Variants in ROR2 observed in about 807,000 individuals in gnomAD.
ROR2 encodes the protein tyrosine-protein kinase transmembrane receptor ROR2.
Under a neutral mutation model 74.9 loss-of-function variants are expected in ROR2, and 33 were observed. The ratio of observed to expected loss-of-function variants is 0.44; its 90% CI spans 0.33 to 0.59. The LOEUF is 0.59. ROR2 is among the 20% of genes least tolerant of loss of function. ROR2 has a pLI of 0.02. For synonymous variants in ROR2, 586 were observed against 558.7 expected (o/e 1.05, Z -0.69); for missense variants, 1,216 against 1,313.8 (o/e 0.93, Z 1.15).
chr9:91,829,732 C>A lies in ROR2; in HGVS notation c.98-53914G>T, dbSNP rs1442513584. On this transcript the variant is annotated intron_variant, in intron 1 of 8. Coordinates refer to ENST00000375708, the MANE Select transcript of ROR2 (RefSeq NM_004560.4). ...AACTGGACCAGCTGACGCCTTCCTA[C>A]GGATATAACCAAGATCCATACGAAT... 2.6e-5 allele frequency among the ~76,000 whole-genome samples: 4 copies of A among 152,006 alleles called. No homozygotes were observed. The East Asian group carries it at 7.7e-4, about 29-fold the overall frequency.
At chr9:91,862,422 C>A (rs972459927) in intron 1 of ROR2, among the ~76,000 whole-genome samples, 3 of 151,988 alleles carry the variant, frequency 2.0e-5, no homozygotes, top group Admixed American at 6.6e-5. Context: ...CTTTGAGGGA[C>A]CAAGGCAGGA....
At chr9:91,761,399 T>G (rs1825910971) in intron 2 of ROR2, among the ~76,000 whole-genome samples, 1 of 137,032 alleles carries the variant, frequency 7.3e-6, no homozygotes, top group Non-Finnish European at 1.6e-5. Flanking sequence ...CTGAGCTTGT[T>G]CTCCTGCAAC....
chr9:91,908,136 A>G (rs1830865682), intron 1 of ROR2, among the ~76,000 whole-genome samples: 1 of 152,138 alleles, frequency 6.6e-6, no homozygotes. Context: ...CTGTATTATC[A>G]ATGGGGGGAG....
chr9:91,770,370 T>C (rs1176702286), intron 2 of ROR2, among the ~76,000 whole-genome samples: 1 of 152,146 alleles, frequency 6.6e-6, no homozygotes, highest in Non-Finnish European at 1.5e-5. Flanking sequence ...CTGCTGGCGG[T>C]CAGCACGGGG....
chr9:91,783,039 G>A (rs914050579), intron 1 of ROR2, among the ~76,000 whole-genome samples: 5 of 152,142 alleles, frequency 3.3e-5, no homozygotes, highest in African/African-American at 1.2e-4. Context: ...TTCTGCGGCT[G>A]GGAGAGAGGA....
At chr9:91,948,985 G>A (rs1156956875) in intron 1 of ROR2, 5 of 935,870 alleles carry the variant, frequency 5.3e-6, no homozygotes, top group Non-Finnish European at 5.1e-6. Flanking sequence ...GAACCTCCCC[G>A]CCGTTCCTCT....
intron 4 of ROR2, among the ~76,000 whole-genome samples, chr9:91,748,070 T>C (rs998078432): frequency 3.9e-5 from 6 of 152,190 alleles, no homozygotes; most frequent in Non-Finnish European, 8.8e-5. Flanking sequence ...GAGATCAGCC[T>C]GGCCAATATG....
At chr9:91,832,031 C>T (rs1241154734) in intron 1 of ROR2, among the ~76,000 whole-genome samples, 1 of 152,054 alleles carries the variant, frequency 6.6e-6, no homozygotes, top group Non-Finnish European at 1.5e-5. Flanking sequence ...TTTGGACTTG[C>T]AAGCTGACCA....
intron 3 of ROR2, among the ~76,000 whole-genome samples, chr9:91,756,635 C>CA (rs1825758417): frequency 6.6e-6 from 1 of 152,080 alleles, no homozygotes; most frequent in Non-Finnish European, 1.5e-5. Flanking sequence ...GACCTCCTAA[C>CA]AAACAGCCTT....
chr9:91,912,145 T>C (rs1361888440), intron 1 of ROR2, among the ~76,000 whole-genome samples: 3 of 131,714 alleles, frequency 2.3e-5, no homozygotes, highest in Non-Finnish European at 4.8e-5. Flanking sequence ...AACTGCTAAT[T>C]AGAGATTCAA....
intron 1 of ROR2, among the ~76,000 whole-genome samples, chr9:91,850,255 T>C (rs201912704): frequency 3.5e-5 from 3 of 85,690 alleles, no homozygotes; most frequent in Admixed American, 1.9e-4. Context: ...TCATAACTTA[T>C]GTTATTTTAT....
chr9:91,835,603 C>T lies in ROR2; in HGVS notation c.98-59785G>A, dbSNP rs559449707. Among the ~76,000 whole-genome samples, 14 of 152,360 alleles carry T rather than the reference C, an allele frequency of 9.2e-5. No homozygotes were observed. In the South Asian group the frequency reaches 2.7e-3, roughly 29 times the overall value. ...TCCCAGTAAGGCTACCGACTCATCG[C>T]AGTAAACTCAGGAGCCTGCAGCAAC... is the stretch of plus-strand genomic sequence containing the variant. On this transcript the variant is annotated intron_variant, in intron 1 of 8. Coordinates refer to ENST00000375708, the MANE Select transcript of ROR2 (RefSeq NM_004560.4).
At chr9:91,865,115 A>G (rs895281804) in intron 1 of ROR2, among the ~76,000 whole-genome samples, 2 of 152,098 alleles carry the variant, frequency 1.3e-5, no homozygotes, top group African/African-American at 2.4e-5. Flanking sequence ...TTTTTGCAGT[A>G]TACTTTTCAA....
At chr9:91,936,106 G>A (rs1564050649) in intron 1 of ROR2, among the ~76,000 whole-genome samples, 2 of 152,206 alleles carry the variant, frequency 1.3e-5, no homozygotes, top group Non-Finnish European at 2.9e-5. Context: ...ACTTCCCGAG[G>A]CTCAGCAATA....
At position 91,724,943 on chromosome 9, in the gene ROR2, C is replaced by T; in HGVS notation, c.1551G>A (p.Leu517=). 6.2e-7 allele frequency: 1 copy of T among 1,613,288 alleles called. No homozygotes were observed. The highest frequency in any genetic ancestry group is 8.5e-7 in the Non-Finnish European group (1 of 1,179,602). The part of the protein sequence containing the change: ...KTLKDKAEGP[L]REEFRHEAML... ...TAGCCTCATGCCGGAACTCCTCCCG[C>T]AGGGGCCCCTCCGCTTTGTCCTTCA... Residue 517 remains leucine (L), a synonymous_variant, in exon 9 of 9, where the codon CTG becomes CTA. Coordinates refer to ENST00000375708, the MANE Select transcript of ROR2 (RefSeq NM_004560.4).
intron 4 of ROR2, among the ~76,000 whole-genome samples, chr9:91,740,828 G>A (rs907640538): frequency 2.0e-5 from 3 of 152,084 alleles, no homozygotes; most frequent in African/African-American, 7.2e-5. Context: ...AATTCCTTCA[G>A]CAACGTAAGT....
intron 1 of ROR2, among the ~76,000 whole-genome samples, chr9:91,783,034 C>A (rs867299212): frequency 1.3e-5 from 2 of 152,156 alleles, no homozygotes; most frequent in African/African-American, 4.8e-5. Flanking sequence ...GTTCCTTCTG[C>A]GGCTGGGAGA....
chr9:91,852,698 C>T (rs1036870847), intron 1 of ROR2, among the ~76,000 whole-genome samples: 2 of 149,916 alleles, frequency 1.3e-5, no homozygotes, highest in Non-Finnish European at 2.9e-5. Flanking sequence ...AAATAGGGTC[C>T]GTGTAACAGG....
intron 1 of ROR2, among the ~76,000 whole-genome samples, chr9:91,807,630 G>T (rs1827609675): frequency 6.6e-6 from 1 of 152,106 alleles, no homozygotes; most frequent in South Asian, 2.1e-4. Flanking sequence ...CCTCAATGAG[G>T]GGGGATCAGA....
Sources: allele counts gnomAD v4.1 joint callset (sites outside exome capture counted in the v4.1 genomes callset), GRCh38; gene constraint gnomAD v4.1.1; transcripts MANE v1.5; gene names NCBI Gene and HGNC (gene_info 2026-07-23, HGNC 2026-07-21).